RAB17: variants seen among roughly 807,000 people sequenced by gnomAD.
RAB17 encodes the protein ras-related protein Rab-17.
RAB17 carries 15 observed loss-of-function variants against 19.3 expected under a neutral mutation model. That is an observed-to-expected ratio of 0.78 (90% CI 0.52 to 1.20). The LOEUF is 1.20. Ranked by LOEUF, RAB17 falls within the 50% of genes most tolerant of loss-of-function variation. RAB17 has a pLI of 0.00. For synonymous variants in RAB17, 110 were observed against 112.8 expected, an observed-to-expected ratio of 0.97 and a Z score of 0.16; for missense variants, 262 against 269.3, an observed-to-expected ratio of 0.97 and a Z score of 0.19.
chr2:237,575,239 A>G (rs1193481926), intron 5 of RAB17, 111 bp from the exon 6 acceptor site: 5 of 1,070,902 alleles, frequency 4.7e-6, no homozygotes, highest in South Asian at 1.5e-5. Flanking sequence ...ACCCTGAACC[A>G]TAGAACAAGG....
chr2:237,577,510 G>T lies in RAB17; in HGVS notation c.310-128C>A, dbSNP rs76789185. 4.2e-5 allele frequency: 46 copies of T among 1,087,202 alleles called. No homozygotes were observed. In the East Asian group the frequency reaches 1.2e-3, roughly 27 times the overall value. 67.3% of individuals were successfully genotyped at this position (1,087,202 alleles called of 1,614,324 possible). Reference sequence around the variant, plus strand: ...TCACAGAATCCAACTGGCCATGGGCGCACCTGCAGGGCTGCTCCGTTCCTC... The same window carrying T: ...TCACAGAATCCAACTGGCCATGGGCTCACCTGCAGGGCTGCTCCGTTCCTC... On this transcript the variant is annotated intron_variant, in intron 3 of 5. Coordinates refer to ENST00000264601, the MANE Select transcript of RAB17 (RefSeq NM_022449.4).
chr2:237,583,426 C>T lies in RAB17; in HGVS notation c.157+2572G>A, dbSNP rs541252246. ...GCTGTAATATTATCCCAAGGTGTGA[C>T]GCAGACACTTGGATGGAAGCAGAGG... is the stretch of plus-strand genomic sequence containing the variant. On this transcript the variant is annotated intron_variant, in intron 2 of 5. Coordinates refer to ENST00000264601, the MANE Select transcript of RAB17 (RefSeq NM_022449.4). Among the ~76,000 whole-genome samples the T allele has an allele frequency of 1.5e-3, 234 of 152,324 alleles. 1 individual carries two copies. The highest frequency in any genetic ancestry group is 5.3e-3 in the African/African-American group (221 of 41,556).
Position 237,574,504 on chromosome 2 carries a change from G to C in RAB17, c.*515C>G. On this transcript the variant is annotated 3_prime_UTR_variant, in exon 6 of 6. Transcript: ENST00000264601. ...CTGCCCCCAGCTGCCCTTCCCAGGGGCAACTTCACCAAGATGTGGAAATCC... is the reference window on the plus strand; with the variant it reads ...CTGCCCCCAGCTGCCCTTCCCAGGGCCAACTTCACCAAGATGTGGAAATCC... 6.4e-7 allele frequency: 1 copy of C among 1,550,564 alleles called. No individual in the cohort carries two copies. Among genetic ancestry groups the C allele is most frequent in the South Asian group, 1.2e-5 (1 of 84,038 alleles).
intron 1 of RAB17, among the ~76,000 whole-genome samples, chr2:237,587,357 A>T (rs2081358491): frequency 6.6e-6 from 1 of 152,250 alleles, no homozygotes; most frequent in East Asian, 1.9e-4. Flanking sequence ...TCCTGGGAAC[A>T]GAGTCTCTTC....
intron 4 of RAB17, chr2:237,576,628 C>T (rs2081265322): frequency 2.1e-6 from 1 of 471,202 alleles, no homozygotes; most frequent in Admixed American, 2.3e-5. Flanking sequence ...CTGCGCCAGC[C>T]TCTAGTGTGT....
intron 4 of RAB17, 130 bp downstream of exon 4, chr2:237,577,127 G>T: frequency 9.1e-7 from 1 of 1,094,616 alleles, no homozygotes; most frequent in Non-Finnish European, 1.3e-6. Flanking sequence ...GTAGAGGTGT[G>T]TGTGCACATG....
At position 237,577,394 on chromosome 2, in the gene RAB17, G is replaced by GA; in HGVS notation, c.310-13dup. The stretch of plus-strand genomic sequence containing the variant: ...TTGAGGAAGGAATCCTAGAAAAGAA[G>GA]AAAAAAAGTAACATCAAACAAAACT... On this transcript the variant is annotated splice_polypyrimidine_tract_variant and intron_variant, in intron 3 of 5. Coordinates refer to ENST00000264601, the MANE Select transcript of RAB17 (RefSeq NM_022449.4). 1.3e-6 allele frequency: 2 copies of GA among 1,585,728 alleles called. No individual in the cohort carries two copies. Among genetic ancestry groups the GA allele is most frequent in the Non-Finnish European group, 8.6e-7 (1 of 1,165,296 alleles).
chr2:237,583,393 C>G (rs1382576657), intron 2 of RAB17, among the ~76,000 whole-genome samples: 4 of 152,166 alleles, frequency 2.6e-5, no homozygotes, highest in African/African-American at 9.7e-5. Flanking sequence ...TAATATCTAC[C>G]TCTAAAAGCT....
At chr2:237,575,849 G>T (rs906216707) in intron 4 of RAB17, 2 of 232,206 alleles carry the variant, frequency 8.6e-6, no homozygotes, top group Non-Finnish European at 1.7e-5. Context: ...GGAGGCCCCT[G>T]GACGGCACCC....
intron 4 of RAB17, 96 bp from the exon 5 acceptor site, chr2:237,575,576 G>T: frequency 1.1e-6 from 1 of 922,844 alleles, no homozygotes; most frequent in Middle Eastern, 2.8e-4. Context: ...GAAAGCTGCA[G>T]CCGTGGAGCC....
In RAB17 at chr2:237,574,396, T is replaced by G; in HGVS notation, c.*623A>C. The G allele has an allele frequency of 6.5e-7, 1 of 1,533,368 alleles. No homozygotes were observed. Among genetic ancestry groups the G allele is most frequent in the Non-Finnish European group, 8.8e-7 (1 of 1,137,392 alleles). 95.0% of individuals were successfully genotyped at this position (1,533,368 alleles called of 1,614,324 possible). A position where few individuals can be genotyped will look rare whatever the true frequency, so the allele number is the denominator to read the frequency against. On this transcript the variant is annotated 3_prime_UTR_variant, in exon 6 of 6. Coordinates refer to ENST00000264601, the MANE Select transcript of RAB17 (RefSeq NM_022449.4). ...TACAACTTATATCTCAGGCGAAATG[T>G]CTCAGAATCTTCCTGCTCATTGGAC...
In RAB17 at chr2:237,575,377, C is replaced by T. The variant is rs751697747; in HGVS notation, c.529+10G>A. On this transcript the variant is annotated intron_variant, in intron 5 of 5. Transcript: ENST00000264601. Reference sequence around the variant, plus strand: ...CTCCCCCTTGTCTGGCCCACGGGGACGTGACTCACCCACTGTATTGAACAC... The same window carrying T: ...CTCCCCCTTGTCTGGCCCACGGGGATGTGACTCACCCACTGTATTGAACAC... 13 of 1,599,826 alleles carry T rather than the reference C, an allele frequency of 8.1e-6. No homozygotes were observed. The African/African-American group carries it at 1.1e-4, about 13-fold the overall frequency.
chr2:237,585,946 G>A (rs2081346498), intron 2 of RAB17, 52 bp downstream of exon 2: 2 of 1,516,342 alleles, frequency 1.3e-6, no homozygotes, highest in Non-Finnish European at 1.8e-6. Context: ...TGGGTCAGCA[G>A]CCCAGACTTC....
intron 2 of RAB17, chr2:237,578,414 C>G (rs2149183270): frequency 2.6e-6 from 1 of 380,530 alleles, no homozygotes; most frequent in Middle Eastern, 7.2e-4. Context: ...CTCTCCAGGA[C>G]CTAATACAAA....
intron 2 of RAB17, chr2:237,578,938 CACA>C (rs1402472636): frequency 6.7e-6 from 1 of 149,210 alleles, no homozygotes; most frequent in African/African-American, 2.5e-5. Flanking sequence ...CACACACACA[CACA>C]ACTACTCCCA....
intron 1 of RAB17, among the ~76,000 whole-genome samples, chr2:237,587,377 C>T (rs2149190203): frequency 6.6e-6 from 1 of 152,298 alleles, no homozygotes; most frequent in East Asian, 1.9e-4. Flanking sequence ...CTCCCTTCCT[C>T]ACCACAGTGG....
At chr2:237,590,252 C>T (rs79983263) in intron 1 of RAB17, among the ~76,000 whole-genome samples, 2,136 of 151,990 alleles carry the variant, frequency 0.014, 52 homozygotes, top group African/African-American at 0.048. Context: ...ACTTAGTGAG[C>T]CATCAGAAAT....
chr2:237,585,961 C>A, intron 2 of RAB17, 37 bp downstream of exon 2: 1 of 1,556,282 alleles, frequency 6.4e-7, no homozygotes, highest in Non-Finnish European at 8.7e-7. Flanking sequence ...GACTTCTGCA[C>A]TGAAGACCAA....
chr2:237,574,819 C>A lies in RAB17; in HGVS notation c.*200G>T. 1.1e-6 allele frequency: 1 copy of A among 885,432 alleles called. No individual in the cohort carries two copies. 54.8% of individuals were successfully genotyped at this position (885,432 alleles called of 1,614,324 possible). ...CAGTGGGGATAGGGCACAGCACTTT[C>A]CTGGGAGCCATGTGACGCCAGATCT... is the stretch of plus-strand genomic sequence containing the variant. On this transcript the variant is annotated 3_prime_UTR_variant, in exon 6 of 6. Transcript: ENST00000264601.
Sources: gnomAD v4.1 joint callset for allele counts (sites outside exome capture counted in the v4.1 genomes callset) on GRCh38, gnomAD v4.1.1 for gene constraint, MANE v1.5 for transcripts, NCBI Gene and HGNC (gene_info 2026-07-23, HGNC 2026-07-21) for gene names.